MEIS2: variants seen among roughly 807,000 people sequenced by gnomAD.
The protein encoded by MEIS2 is homeobox protein Meis2.
A neutral mutation model predicts 58.6 loss-of-function variants in MEIS2; 9 were observed. That is an observed-to-expected ratio of 0.15 (90% CI 0.09 to 0.27). The LOEUF (loss-of-function observed/expected upper bound fraction) is 0.27, where lower values mean the gene tolerates loss of function less well. MEIS2 is among the 10% of genes least tolerant of loss of function. The pLI is 1.00. For synonymous variants in MEIS2, 221 were observed against 228.4 expected (o/e 0.97, Z 0.29); for missense variants, 427 against 635.0 (o/e 0.67, Z 3.52).
chr15:36,896,581 G>T (rs750278529), intron 10 of MEIS2, 47 bp downstream of exon 10: 25 of 1,446,804 alleles, frequency 1.7e-5, no homozygotes, highest in Non-Finnish European at 2.3e-5. Context: ...AACTTGATGA[G>T]GATTTGTGCC....
intron 9 of MEIS2, among the ~76,000 whole-genome samples, chr15:36,940,972 C>T (rs577904968): frequency 6.6e-6 from 1 of 152,312 alleles, no homozygotes; most frequent in East Asian, 1.9e-4. Flanking sequence ...AAAAGAATCA[C>T]AAGGAAAGTT....
intron 8 of MEIS2, among the ~76,000 whole-genome samples, chr15:37,026,081 C>A (rs2061692007): frequency 6.6e-6 from 1 of 151,942 alleles, no homozygotes; most frequent in African/African-American, 2.4e-5. Context: ...GGGTTTAAAA[C>A]AAGTATAGCA....
intron 9 of MEIS2, among the ~76,000 whole-genome samples, chr15:36,904,892 G>T (rs1351257731): frequency 6.6e-6 from 1 of 152,154 alleles, no homozygotes; most frequent in Non-Finnish European, 1.5e-5. Flanking sequence ...AATTAAACTG[G>T]TTTCAAATGC....
chr15:37,086,698 T>C (rs1369449022), intron 6 of MEIS2, among the ~76,000 whole-genome samples: 1 of 152,186 alleles, frequency 6.6e-6, no homozygotes, highest in East Asian at 1.9e-4. Flanking sequence ...TATCACACGA[T>C]AGTCATCTGA....
chr15:36,914,804 A>G (rs923609388), intron 9 of MEIS2, among the ~76,000 whole-genome samples: 6 of 151,754 alleles, frequency 4.0e-5, no homozygotes, highest in African/African-American at 1.5e-4. Flanking sequence ...GCAGCAACAC[A>G]CTCTTTCGCA....
intron 8 of MEIS2, among the ~76,000 whole-genome samples, chr15:36,981,907 T>C (rs2141511093): frequency 6.6e-6 from 1 of 152,236 alleles, no homozygotes; most frequent in South Asian, 2.1e-4. Context: ...CTGCTGATTC[T>C]TGGGCCTTCA....
chr15:37,036,773 C>T (rs541099972), intron 8 of MEIS2, 41 bp downstream of exon 8: 1 of 1,593,908 alleles, frequency 6.3e-7, no homozygotes, highest in Non-Finnish European at 8.5e-7. Flanking sequence ...GCTAGCAAAA[C>T]AACAAAAACT....
At chr15:36,970,260 CA>C (rs2059495797) in intron 8 of MEIS2, among the ~76,000 whole-genome samples, 1 of 151,932 alleles carries the variant, frequency 6.6e-6, no homozygotes, top group Non-Finnish European at 1.5e-5. Context: ...AAAAATTAGC[CA>C]GGCGTGGTGG....
At chr15:36,901,960 G>A (rs1379566201) in intron 9 of MEIS2, among the ~76,000 whole-genome samples, 1 of 152,174 alleles carries the variant, frequency 6.6e-6, no homozygotes, top group Non-Finnish European at 1.5e-5. Context: ...AGAGCAATAC[G>A]GTGAAGAGCA....
chr15:36,911,031 C>A (rs1198181334), intron 9 of MEIS2, among the ~76,000 whole-genome samples: 1 of 137,996 alleles, frequency 7.2e-6, no homozygotes, highest in East Asian at 2.1e-4. Context: ...GGTGACAGAG[C>A]GCGACTCTGT....
At chr15:37,063,129 C>T (rs951421678) in intron 7 of MEIS2, among the ~76,000 whole-genome samples, 2 of 152,160 alleles carry the variant, frequency 1.3e-5, no homozygotes, top group Non-Finnish European at 2.9e-5. Context: ...CAAAACCCAC[C>T]TGAAGCTTTC....
At chr15:37,012,303 T>C (rs1046505007) in intron 8 of MEIS2, among the ~76,000 whole-genome samples, 1 of 152,234 alleles carries the variant, frequency 6.6e-6, no homozygotes, top group Non-Finnish European at 1.5e-5. Flanking sequence ...TTAAAACATC[T>C]CCTTGTTCCT....
intron 8 of MEIS2, among the ~76,000 whole-genome samples, chr15:37,032,199 TAAG>T (rs2061957715): frequency 6.6e-6 from 1 of 152,188 alleles, no homozygotes; most frequent in African/African-American, 2.4e-5. Context: ...TGTTTTCAAA[TAAG>T]AAGACCTTCA....
At chr15:36,949,761 G>A (rs995935798) in intron 9 of MEIS2, among the ~76,000 whole-genome samples, 5 of 151,804 alleles carry the variant, frequency 3.3e-5, no homozygotes, top group South Asian at 2.1e-4. Flanking sequence ...CCTCTAAGCC[G>A]TGTACAAAGG....
At chr15:36,915,879 A>G (rs1365049793) in intron 9 of MEIS2, among the ~76,000 whole-genome samples, 2 of 152,242 alleles carry the variant, frequency 1.3e-5, no homozygotes, top group Non-Finnish European at 2.9e-5. Flanking sequence ...TTAGGAGGAC[A>G]GCAAAACAAA....
chr15:36,894,538 A>G, intron 11 of MEIS2: 1 of 480,096 alleles, frequency 2.1e-6, no homozygotes, highest in East Asian at 4.0e-5. Context: ...CCTTTTCAAA[A>G]GTGCACATCA....
rs1259577860 is a variant in MEIS2, at chr15:36,891,786, A to T, written c.*387T>A. The T allele has an allele frequency of 4.4e-6, 1 of 225,268 alleles. No homozygotes were observed. The highest frequency in any genetic ancestry group is 8.7e-6 in the Non-Finnish European group (1 of 114,616). 14.0% of individuals were successfully genotyped at this position (225,268 alleles called of 1,614,324 possible). ...GGTGAATTCACTGATGAACCAAAAC[A>T]GTCATTCTTTTGGGAACAACACACA... is the stretch of plus-strand genomic sequence containing the variant. On this transcript the variant is annotated 3_prime_UTR_variant, in exon 12 of 12. Transcript: ENST00000561208.
chr15:36,971,537 TAAA>T (rs71126247), intron 8 of MEIS2, among the ~76,000 whole-genome samples: 33 of 67,108 alleles, frequency 4.9e-4, no homozygotes, highest in South Asian at 2.0e-3. Flanking sequence ...CTTGTTACAT[TAAA>T]AAAAAAAAAA....
intron 9 of MEIS2, chr15:36,904,213 AG>A (rs2056611863): frequency 6.6e-6 from 1 of 152,094 alleles, no homozygotes; most frequent in Non-Finnish European, 1.5e-5. Flanking sequence ...TGCCGTTCCC[AG>A]CAACATCAAC....
Sources: allele counts gnomAD v4.1 joint callset (sites outside exome capture counted in the v4.1 genomes callset), GRCh38; gene constraint gnomAD v4.1.1; transcripts MANE v1.5; gene names NCBI Gene and HGNC (gene_info 2026-07-23, HGNC 2026-07-21).